The following PGAP6 variants were observed in gnomAD, a reference collection of about 807,000 sequenced individuals.
PGAP6 encodes the protein post-GPI attachment to proteins factor 6.
PGAP6 carries 62 observed loss-of-function variants against 68.4 expected under a neutral mutation model. The ratio of observed to expected loss-of-function variants is 0.91; its 90% CI spans 0.74 to 1.12. PGAP6 has a LOEUF of 1.12. PGAP6 is among the 50% of genes most tolerant of loss of function. PGAP6 has a pLI of 0.00. For synonymous variants in PGAP6, 575 were observed against 474.0 expected (o/e 1.21, Z -2.77); for missense variants, 1,188 against 1,068.5 (o/e 1.11, Z -1.56).
rs1295044484 is a variant in PGAP6 at position 372,708 on chromosome 16, G to A, written c.1922C>T (p.Thr641Ile). The A allele has an allele frequency of 1.9e-6, 3 of 1,610,920 alleles. No homozygotes were observed. Among genetic ancestry groups the A allele is most frequent in the African/African-American group, 1.3e-5 (1 of 74,988 alleles). ...VLKYVLFLLGTLVIAMSLQLD... is the reference protein window; with the variant it reads ...VLKYVLFLLGILVIAMSLQLD... ...CTGCAAGGACATGGCGATGACCAGT[G>A]TACCCAGAAGAAACAGCACCTGCGC... The change falls in exon 12 of 13, where the codon ACA (threonine) becomes ATA (isoleucine). Residue 641 changes from threonine to isoleucine, a missense_variant. Coordinates refer to ENST00000431232, the MANE Select transcript of PGAP6 (RefSeq NM_021259.3).
rs1246209081 is a variant in PGAP6, at chr16:372,179, G to T, written c.2124C>A (p.Ile708=). The part of the protein sequence containing the change: ...GVSMASVGIA[I]YTSMMTSDNY... ...TGTCGCTAGTCATCATGGAGGTGTAGATGGCGATGCCCACAGAGGCCATAG... is the reference window on the plus strand; with the variant it reads ...TGTCGCTAGTCATCATGGAGGTGTATATGGCGATGCCCACAGAGGCCATAG... Residue 708 remains isoleucine, a synonymous_variant, in exon 13 of 13, where the codon ATC becomes ATA. Transcript: ENST00000431232. The T allele has an allele frequency of 4.3e-6, 7 of 1,612,906 alleles. No homozygotes were observed. The highest frequency in any genetic ancestry group is 1.6e-4 in the Middle Eastern group (1 of 6,062).
upstream of PGAP6, chr16:382,350 G>T (rs2141769171): frequency 2.6e-6 from 1 of 385,758 alleles, no homozygotes; most frequent in Non-Finnish European, 4.6e-6. Context: ...GGGCAGAGGC[G>T]CCGACCTCCG....
intron 1 of PGAP6, among the ~76,000 whole-genome samples, chr16:380,389 T>C (rs1392569361): frequency 6.6e-6 from 1 of 150,386 alleles, no homozygotes; most frequent in African/African-American, 2.5e-5. Context: ...TTTTTTGAGA[T>C]GGAGTCTCGC....
At chr16:372,517 G>T in intron 12 of PGAP6, 94 bp downstream of exon 12, 1 of 1,094,980 alleles carries the variant, frequency 9.1e-7, no homozygotes. Context: ...GGCATTCACT[G>T]GTTGGAGCAG....
upstream of PGAP6, among the ~76,000 whole-genome samples, chr16:383,095 G>A (rs2054457850): frequency 6.6e-6 from 1 of 151,890 alleles, no homozygotes; most frequent in African/African-American, 2.4e-5. Flanking sequence ...CAGCCTGGGC[G>A]ACAGAGCGAG....
At chr16:373,958 G>T in intron 11 of PGAP6, 47 bp downstream of exon 11, 2 of 1,546,662 alleles carry the variant, frequency 1.3e-6, no homozygotes. Context: ...CTGCACTTGG[G>T]GGCCCTGCTC....
chr16:374,729 CG>C (rs774880525), intron 9 of PGAP6, 26 bp downstream of exon 9: 23 of 1,610,964 alleles, frequency 1.4e-5, no homozygotes, highest in Admixed American at 1.0e-4. Flanking sequence ...AGCAGCGTCT[CG>C]GGGCGGGCGG....
intron 1 of PGAP6, among the ~76,000 whole-genome samples, chr16:378,235 G>C (rs1468775547): frequency 0.027 from 598 of 22,530 alleles, 4 homozygotes; most frequent in African/African-American, 0.086. Context: ...GACTGCCATC[G>C]CCACCCGCAC....
upstream of PGAP6, among the ~76,000 whole-genome samples, chr16:383,946 G>A (rs1037228772): frequency 3.3e-5 from 5 of 152,228 alleles, no homozygotes; most frequent in Non-Finnish European, 7.3e-5. Context: ...AGGAAGCCCC[G>A]GCTGAGCCTT....
At chr16:378,799 G>A (rs2054414953) in intron 1 of PGAP6, among the ~76,000 whole-genome samples, 1 of 152,240 alleles carries the variant, frequency 6.6e-6, no homozygotes, top group South Asian at 2.1e-4. Flanking sequence ...ACCCAGGCCA[G>A]AAGCCTGGCC....
At chr16:373,029 C>T (rs1376335367) in intron 11 of PGAP6, among the ~76,000 whole-genome samples, 2 of 152,320 alleles carry the variant, frequency 1.3e-5, no homozygotes, top group Admixed American at 1.3e-4. Flanking sequence ...CTCACTAGCC[C>T]CCTGTACCAC....
Position 376,216 on chromosome 16 carries a change from T to A in PGAP6, c.1144A>T (p.Thr382Ser). Residue 382 changes from threonine (T) to serine (S), a missense_variant, in exon 6 of 13, where the codon ACG becomes TCG. By Grantham distance (58) the Thr-to-Ser change is moderately conservative. Coordinates refer to ENST00000431232, the MANE Select transcript of PGAP6 (RefSeq NM_021259.3). The stretch of plus-strand genomic sequence containing the variant: ...AGGCGCAGCCGCATCACGGAGGGCG[T>A]GTCCGAACACACCCTCACCGAGACC... ...DRVSVRVCSDTPSVMRLRLNT... is the reference protein window; with the variant it reads ...DRVSVRVCSDSPSVMRLRLNT... The A allele has an allele frequency of 6.2e-7, 1 of 1,612,666 alleles. No homozygotes were observed. The highest frequency in any genetic ancestry group is 8.5e-7 in the Non-Finnish European group (1 of 1,179,976).
Position 376,593 on chromosome 16 carries a change from C to G in PGAP6, c.855G>C (p.Leu285=). ...AAGCCACTGTCCCGAGGGGCCCCAC[C>G]AGGCTCTCAGCTGTCACTTGCAGCC... ...DRWLQVTAES[L]VGPLGTVAFS... Residue 285 remains leucine, a synonymous_variant, in exon 5 of 13, where the codon CTG becomes CTC. Coordinates refer to ENST00000431232, the MANE Select transcript of PGAP6 (RefSeq NM_021259.3). 1 of 1,581,468 alleles carries G rather than the reference C, an allele frequency of 6.3e-7. No homozygotes were observed. Among genetic ancestry groups the G allele is most frequent in the Non-Finnish European group, 8.6e-7 (1 of 1,163,448 alleles).
At chr16:383,148 CA>C (rs1296941464), upstream of PGAP6, 2 of 144,500 alleles carry the variant, frequency 1.4e-5, no homozygotes, top group Non-Finnish European at 1.5e-5. Context: ...AAAACAAAAA[CA>C]AAAAACAAAA....
chr16:382,439 G>A (rs1424844546), upstream of PGAP6: 4 of 376,128 alleles, frequency 1.1e-5, no homozygotes, highest in East Asian at 1.5e-4. Context: ...TCAGCACGGG[G>A]ACCCCCGGGC....
rs2054398514 is a variant in PGAP6 at position 377,677 on chromosome 16, A to G, written c.293T>C (p.Ile98Thr). 2.5e-6 allele frequency: 4 copies of G among 1,582,774 alleles called. No individual in the cohort carries two copies. Among genetic ancestry groups the G allele is most frequent in the Non-Finnish European group, 3.4e-6 (4 of 1,165,578 alleles). Residue 98 changes from isoleucine to threonine, a missense_variant, in exon 2 of 13, where the codon ATC becomes ACC. Transcript: ENST00000431232. ...ESGAACTDAEITVHFRSGAPP... is the reference protein window; with the variant it reads ...ESGAACTDAETTVHFRSGAPP... ...CGGGCGGGCAGCCACCTACACGGTG[A>G]TCTCCGCGTCGGTGCAGGCAGCGCC...
Position 374,816 on chromosome 16 carries a change from C to T in PGAP6, c.1516G>A (p.Gly506Ser), listed in dbSNP as rs2054366421. 1 of 1,612,876 alleles carries T rather than the reference C, an allele frequency of 6.2e-7. No homozygotes were observed. The highest frequency in any genetic ancestry group is 8.5e-7 in the Non-Finnish European group (1 of 1,179,974). The change falls in exon 9 of 13, where the codon GGC becomes AGC. Residue 506 changes from glycine to serine, a missense_variant. Physicochemically the swap from Gly to Ser is moderately conservative, Grantham distance 56. Transcript: ENST00000431232. Reference sequence around the variant, plus strand: ...TGTCTGCGGAGCAGGAGGCACTGGCCATAGGGTCCACAATCGTTCAAACAG... The same window carrying T: ...TGTCTGCGGAGCAGGAGGCACTGGCTATAGGGTCCACAATCGTTCAAACAG... ...VPCLNDCGPY[G>S]QCLLLRRHSY...
chr16:385,310 A>AT (rs35605582), upstream of PGAP6, among the ~76,000 whole-genome samples: 18,106 of 112,416 alleles, frequency 0.16, 3,584 homozygotes, highest in African/African-American at 0.43. Flanking sequence ...ATATACTCTG[A>AT]TTTTTTTTTT....
In PGAP6 at chr16:374,279, A is replaced by C; in HGVS notation, c.1697T>G (p.Val566Gly). The C allele has an allele frequency of 6.2e-7, 1 of 1,607,426 alleles. No individual in the cohort carries two copies. Among genetic ancestry groups the C allele is most frequent in the Non-Finnish European group, 8.5e-7 (1 of 1,179,638 alleles). ...LMFLAPIAVS[V>G]RRFFLVEASV... ...GGCCTCCACCAGGAAGAATCGCCGC[A>C]CTGAGACGGCGATGGGGGCCAGGAA... The change falls in exon 10 of 13, where the codon GTG becomes GGG. Residue 566 changes from valine to glycine, a missense_variant. Val to Gly is a moderately radical substitution (Grantham distance 109). Coordinates refer to ENST00000431232, the MANE Select transcript of PGAP6 (RefSeq NM_021259.3).
Sources: allele counts gnomAD v4.1 joint callset (sites outside exome capture counted in the v4.1 genomes callset), GRCh38; gene constraint gnomAD v4.1.1; transcripts MANE v1.5; gene names NCBI Gene and HGNC (gene_info 2026-07-23, HGNC 2026-07-21).